CDH23: variants seen among roughly 807,000 people sequenced by gnomAD.
CDH23 encodes the protein cadherin related 23.
CDH23 carries 189 observed loss-of-function variants against 317.1 expected under a neutral mutation model. That is an observed-to-expected ratio of 0.60 (90% confidence interval 0.53 to 0.67). The LOEUF is 0.67. Among genes scored for constraint, CDH23 ranks in the 30% least tolerant of loss-of-function variants. The pLI is 0.00. For missense variants in CDH23, 4,401 were observed against 4,592.4 expected, an observed-to-expected ratio of 0.96 and a Z score of 1.20; for synonymous variants, 1,839 against 1,876.8, an observed-to-expected ratio of 0.98 and a Z score of 0.52.
chr10:71,652,031 G>A (rs1331850634), intron 14 of CDH23, among the ~76,000 whole-genome samples: 1 of 152,240 alleles, frequency 6.6e-6, no homozygotes, highest in East Asian at 1.9e-4. Flanking sequence ...GCAGAAATGG[G>A]CAGAAGATGG....
chr10:71,716,388 C>T, intron 28 of CDH23: 1 of 1,435,426 alleles, frequency 7.0e-7, no homozygotes, highest in Non-Finnish European at 9.2e-7. Context: ...TCAGCTGGAC[C>T]CAGGGCAGCG....
intron 6 of CDH23, among the ~76,000 whole-genome samples, chr10:71,523,798 A>G (rs1269542456): frequency 9.9e-5 from 15 of 152,174 alleles, no homozygotes; most frequent in Admixed American, 9.2e-4. Context: ...ACCTTTCTGT[A>G]GTGCTCTGAA....
rs727504996 is a variant in CDH23, at chr10:71,785,109, T to C, written c.5712+9T>C. 6.2e-6 allele frequency: 10 copies of C among 1,607,788 alleles called. No individual in the cohort carries two copies. Among genetic ancestry groups the C allele is most frequent in the Non-Finnish European group, 8.5e-6 (10 of 1,174,704 alleles). ...TCTTCATCAATGCCACGGTAGGGCCTAGACTGACCCCAGGGAGCTTCCCAG... is the reference window on the plus strand; with the variant it reads ...TCTTCATCAATGCCACGGTAGGGCCCAGACTGACCCCAGGGAGCTTCCCAG... On this transcript the variant is annotated intron_variant, in intron 43 of 69. Coordinates refer to ENST00000224721, the MANE Select transcript of CDH23 (RefSeq NM_022124.6).
intron 28 of CDH23, chr10:71,716,202 A>G: frequency 6.4e-7 from 1 of 1,551,204 alleles, no homozygotes. Context: ...AGCAGGAGGA[A>G]GATGCAGGCC....
chr10:71,812,721 T>C (rs1417721102), intron 67 of CDH23, 47 bp from the exon 68 acceptor site: 2 of 1,612,784 alleles, frequency 1.2e-6, no homozygotes, highest in Admixed American at 3.3e-5. Context: ...CCCTTGTACA[T>C]GTGTGTGGGG....
At chr10:71,712,552 A>G (rs1866016607) in intron 27 of CDH23, 113 bp from the exon 28 acceptor site, 1 of 1,225,446 alleles carries the variant, frequency 8.2e-7, no homozygotes, top group Non-Finnish European at 1.2e-6. Context: ...GCTAGGGCAG[A>G]TGGGGCGGAA....
chr10:71,674,857 C>A (rs893547277), intron 14 of CDH23, among the ~76,000 whole-genome samples: 1 of 152,178 alleles, frequency 6.6e-6, no homozygotes, highest in Non-Finnish European at 1.5e-5. Context: ...TGGAGGAGGG[C>A]CTCCCTGGGA....
chr10:71,642,948 A>T (rs1445229134), intron 11 of CDH23, among the ~76,000 whole-genome samples: 13 of 152,352 alleles, frequency 8.5e-5, no homozygotes, highest in Admixed American at 8.5e-4. Context: ...CTGACATTCC[A>T]GAATAATCAC....
chr10:71,793,541 C>T lies in CDH23; in HGVS notation c.6613C>T (p.Pro2205Ser), dbSNP rs1411016237. ...NITAIDHDLN[P>S]KLEYHIVGIV... ...CACGGCCATTGACCACGACCTCAAC[C>T]CAAAGCTAGAGTACCACATTGTCGG... Residue 2205 changes from proline to serine, a missense_variant, in exon 48 of 70, where the codon CCA (proline) becomes TCA (serine). Coordinates refer to ENST00000224721, the MANE Select transcript of CDH23 (RefSeq NM_022124.6). 2 of 1,613,796 alleles carry T rather than the reference C, an allele frequency of 1.2e-6. No homozygotes were observed. Among genetic ancestry groups the T allele is most frequent in the East Asian group, 4.5e-5 (2 of 44,886 alleles).
chr10:71,706,590 G>A (rs1231746641), intron 25 of CDH23, among the ~76,000 whole-genome samples: 1 of 152,242 alleles, frequency 6.6e-6, no homozygotes, highest in Non-Finnish European at 1.5e-5. Context: ...CATGGTCGTT[G>A]TTAGGTGCGT....
At chr10:71,467,394 G>A (rs1198869644) in intron 3 of CDH23, among the ~76,000 whole-genome samples, 1 of 152,184 alleles carries the variant, frequency 6.6e-6, no homozygotes, top group Non-Finnish European at 1.5e-5. Flanking sequence ...GGTCTGAGGC[G>A]AGGCCTGAGA....
intron 24 of CDH23, 29 bp from the exon 25 acceptor site, chr10:71,704,882 A>G (rs2132739449): frequency 6.4e-7 from 1 of 1,559,166 alleles, no homozygotes; most frequent in Non-Finnish European, 8.8e-7. Flanking sequence ...TCCCCTCCCC[A>G]CCCTCATGCT....
At chr10:71,653,675 T>C (rs1345143907) in intron 14 of CDH23, among the ~76,000 whole-genome samples, 10 of 152,210 alleles carry the variant, frequency 6.6e-5, no homozygotes, top group Non-Finnish European at 1.5e-5. Context: ...GGAACCTTGC[T>C]ATAGGAGCAA....
chr10:71,753,069 CT>C, intron 38 of CDH23: 1 of 1,569,210 alleles, frequency 6.4e-7, no homozygotes, highest in Non-Finnish European at 8.7e-7. Context: ...ATCCCTGCCC[CT>C]GCTGGCAGAT....
At chr10:71,761,587 G>A in intron 38 of CDH23, 1 of 1,564,612 alleles carries the variant, frequency 6.4e-7, no homozygotes, top group Non-Finnish European at 8.7e-7. Context: ...TCACGTGCAG[G>A]ATGCCCTCAC....
chr10:71,568,665 C>T (rs1360789415), intron 7 of CDH23, among the ~76,000 whole-genome samples: 2 of 152,180 alleles, frequency 1.3e-5, no homozygotes, highest in African/African-American at 4.8e-5. Context: ...GGTGCTGTGC[C>T]CTTGGCTGCT....
At chr10:71,737,730 G>A (rs1839607078) in intron 34 of CDH23, 2 of 470,816 alleles carry the variant, frequency 4.2e-6, no homozygotes, top group African/African-American at 2.0e-5. Flanking sequence ...CTGGGTACCT[G>A]TGATTCCAGC....
At chr10:71,528,300 A>T (rs1293430600) in intron 6 of CDH23, among the ~76,000 whole-genome samples, 1 of 151,566 alleles carries the variant, frequency 6.6e-6, no homozygotes, top group Admixed American at 6.6e-5. Context: ...TTCTCTCCCT[A>T]AAGAAGGTCA....
chr10:71,755,517 C>G, intron 38 of CDH23: 1 of 1,514,804 alleles, frequency 6.6e-7, no homozygotes, highest in Non-Finnish European at 9.0e-7. Context: ...CATTGCTCCT[C>G]CTGAGCATAA....
Sources: allele counts gnomAD v4.1 joint callset (sites outside exome capture counted in the v4.1 genomes callset), GRCh38; gene constraint gnomAD v4.1.1; transcripts MANE v1.5; gene names NCBI Gene and HGNC (gene_info 2026-07-23, HGNC 2026-07-21).